Variants in OLFM3 observed in about 807,000 individuals in gnomAD.
OLFM3 encodes the protein olfactomedin 3, also known as noelin-3.
A neutral mutation model predicts 48.6 loss-of-function variants in OLFM3; 20 were observed. That is an observed-to-expected ratio of 0.41 (90% CI 0.29 to 0.60). OLFM3 has a LOEUF of 0.60. Ranked by LOEUF, OLFM3 falls within the 20% of genes least tolerant of loss-of-function variation. The pLI is 0.28. For synonymous variants in OLFM3, 222 were observed against 198.1 expected (o/e 1.12, Z -1.01); for missense variants, 437 against 544.3 (o/e 0.80, Z 1.96).
rs569641901 is a variant in OLFM3, at chr1:101,915,344, C to G, written c.70-78319G>C. On this transcript the variant is annotated intron_variant, in intron 1 of 5. Transcript: ENST00000370103. ...TGCTATAAATAATTGTACATTTAAT[C>G]CTCTTGGGATTTAATCTGTTAAAAA... Among the ~76,000 whole-genome samples the G allele has an allele frequency of 2.7e-5, 4 of 150,486 alleles. No individual in the cohort carries two copies. The Middle Eastern group carries it at 0.014, about 515-fold the overall frequency.
At chr1:101,887,746 T>C (rs1264658434) in intron 1 of OLFM3, among the ~76,000 whole-genome samples, 1 of 151,994 alleles carries the variant, frequency 6.6e-6, no homozygotes, top group African/African-American at 2.4e-5. Flanking sequence ...AAGAGGATAA[T>C]CTTTGTGTAT....
At chr1:101,975,553 T>C (rs543322238) in intron 1 of OLFM3, among the ~76,000 whole-genome samples, 195 of 152,304 alleles carry the variant, frequency 1.3e-3, no homozygotes, top group African/African-American at 4.4e-3. Flanking sequence ...CAGTCTTTTC[T>C]GCCAAAATAT....
intron 1 of OLFM3, among the ~76,000 whole-genome samples, chr1:101,958,883 TACCTC>T (rs546537486): frequency 1.6e-3 from 238 of 151,038 alleles, no homozygotes; most frequent in Non-Finnish European, 2.9e-3. Flanking sequence ...GCATATCTGT[TACCTC>T]ACATACTTAT....
At chr1:101,981,314 T>C (rs1292817613) in intron 1 of OLFM3, among the ~76,000 whole-genome samples, 1 of 152,134 alleles carries the variant, frequency 6.6e-6, no homozygotes, top group Non-Finnish European at 1.5e-5. Context: ...TATCATATAC[T>C]TTGTCTTCCC....
intron 1 of OLFM3, among the ~76,000 whole-genome samples, chr1:101,940,131 A>T (rs149377271): frequency 6.6e-6 from 1 of 152,288 alleles, no homozygotes; most frequent in East Asian, 1.9e-4. Context: ...GGGCAAGTGC[A>T]TGCATTCTCC....
intron 1 of OLFM3, among the ~76,000 whole-genome samples, chr1:101,940,399 G>T (rs1659752983): frequency 7.1e-6 from 1 of 141,276 alleles, no homozygotes. Context: ...CTCTTTTTGA[G>T]CTTTGAAAAA....
intron 1 of OLFM3, among the ~76,000 whole-genome samples, chr1:101,966,749 C>A (rs917140633): frequency 5.6e-5 from 6 of 107,466 alleles, no homozygotes; most frequent in African/African-American, 1.8e-4. Flanking sequence ...GAGATCCTGG[C>A]TTGGCGTTCT....
At chr1:101,888,846 T>G (rs996492097) in intron 1 of OLFM3, among the ~76,000 whole-genome samples, 1 of 152,144 alleles carries the variant, frequency 6.6e-6, no homozygotes, top group Non-Finnish European at 1.5e-5. Context: ...GCAAAGGATA[T>G]GAACAGACAC....
At chr1:101,823,493 G>T (rs1458803527) in intron 4 of OLFM3, among the ~76,000 whole-genome samples, 10 of 151,968 alleles carry the variant, frequency 6.6e-5, no homozygotes, top group Admixed American at 6.6e-4. Context: ...GACATTGTAA[G>T]GCACACATGA....
intron 4 of OLFM3, among the ~76,000 whole-genome samples, chr1:101,814,266 G>GTTTT (rs67937847): frequency 7.9e-5 from 11 of 139,196 alleles, no homozygotes; most frequent in African/African-American, 2.4e-4. Context: ...CCCAGCTAAG[G>GTTTT]TTTTTTTTTT....
chr1:101,945,297 C>T (rs563268858), intron 1 of OLFM3, among the ~76,000 whole-genome samples: 28 of 152,142 alleles, frequency 1.8e-4, no homozygotes, highest in East Asian at 5.8e-4. Flanking sequence ...GAATGTGATA[C>T]GTTCATACAA....
intron 4 of OLFM3, among the ~76,000 whole-genome samples, chr1:101,820,410 A>G (rs1654554425): frequency 6.6e-6 from 1 of 152,068 alleles, no homozygotes; most frequent in African/African-American, 2.4e-5. Flanking sequence ...AACTTCAATC[A>G]TGTTTTTTCA....
chr1:101,958,886 C>T (rs1660382962), intron 1 of OLFM3, among the ~76,000 whole-genome samples: 1 of 149,120 alleles, frequency 6.7e-6, no homozygotes, highest in Non-Finnish European at 1.5e-5. Context: ...TATCTGTTAC[C>T]TCACATACTT....
Position 101,964,480 on chromosome 1 carries a change from T to C in OLFM3, c.69+32268A>G, listed in dbSNP as rs1200314169. ...GACAGACTGAGAGTAAAAAATTCAA[T>C]TGAAAGTGCAGTGTGTTTTAAAATA... On this transcript the variant is annotated intron_variant, in intron 1 of 5. Coordinates refer to ENST00000370103, the MANE Select transcript of OLFM3 (RefSeq NM_058170.4). Among the ~76,000 whole-genome samples, 3 of 152,208 alleles carry C rather than the reference T, an allele frequency of 2.0e-5. No individual in the cohort carries two copies. The East Asian group carries it at 5.8e-4, about 29-fold the overall frequency.
intron 1 of OLFM3, among the ~76,000 whole-genome samples, chr1:101,885,239 T>C (rs181059920): frequency 1.3e-5 from 2 of 152,104 alleles, no homozygotes; most frequent in African/African-American, 2.4e-5. Flanking sequence ...CAAGAGCTAA[T>C]AGACACCACA....
chr1:101,889,889 T>G (rs926963166), intron 1 of OLFM3, among the ~76,000 whole-genome samples: 1 of 152,032 alleles, frequency 6.6e-6, no homozygotes, highest in African/African-American at 2.4e-5. Flanking sequence ...AACCTATAAT[T>G]CTACTTCTCA....
intron 1 of OLFM3, among the ~76,000 whole-genome samples, chr1:101,915,495 T>C: frequency 6.6e-6 from 1 of 152,138 alleles, no homozygotes; most frequent in East Asian, 1.9e-4. Context: ...TTTTAATAGC[T>C]AGATTCTCTG....
chr1:101,813,088 T>G, intron 4 of OLFM3: 2 of 1,287,912 alleles, frequency 1.6e-6, no homozygotes, highest in Non-Finnish European at 2.0e-6. Flanking sequence ...AAAATACTAT[T>G]GCTTATGCTT....
At chr1:101,896,199 G>A (rs1658194756) in intron 1 of OLFM3, among the ~76,000 whole-genome samples, 1 of 151,940 alleles carries the variant, frequency 6.6e-6, no homozygotes, top group Admixed American at 6.6e-5. Context: ...CTGCTTTCCT[G>A]AATTTAAACT....
Sources: allele counts gnomAD v4.1 joint callset (sites outside exome capture counted in the v4.1 genomes callset), GRCh38; gene constraint gnomAD v4.1.1; transcripts MANE v1.5; gene names NCBI Gene and HGNC (gene_info 2026-07-23, HGNC 2026-07-21).